Variants in ATXN7L2 observed in about 807,000 individuals in gnomAD.
The protein encoded by ATXN7L2 is ataxin 7 like 2.
Under a neutral mutation model 59.6 loss-of-function variants are expected in ATXN7L2, and 17 were observed. The ratio of observed to expected loss-of-function variants is 0.29; its 90% CI spans 0.20 to 0.43. The LOEUF is 0.43. Among genes scored for constraint, ATXN7L2 ranks in the 20% least tolerant of loss-of-function variants. ATXN7L2 has a pLI of 1.00. For missense variants in ATXN7L2, 858 were observed against 1,008.9 expected (o/e 0.85, Z 2.03); for synonymous variants, 378 against 392.5 (o/e 0.96, Z 0.44).
Position 109,488,577 on chromosome 1 carries a change from C to A in ATXN7L2, c.879+112C>A. On this transcript the variant is annotated intron_variant, in intron 6 of 10. Coordinates refer to ENST00000683729, the MANE Select transcript of ATXN7L2 (RefSeq NM_001350175.2). The surrounding 1 kb of genome is among the most constrained non-coding windows in gnomAD (Gnocchi z 5.0). Reference sequence around the variant, plus strand: ...ACTGAAGGTCCAGCTTAAGGGAGGGCAGTTAGGCCCACCCAAGGGAAGGGG... The same window carrying A: ...ACTGAAGGTCCAGCTTAAGGGAGGGAAGTTAGGCCCACCCAAGGGAAGGGG... 1.6e-6 allele frequency: 2 copies of A among 1,235,716 alleles called. No individual in the cohort carries two copies. The highest frequency in any genetic ancestry group is 2.3e-6 in the Non-Finnish European group (2 of 878,152). The allele number at this position is 1,235,716 out of a possible 1,614,324, so 76.5% of individuals were successfully genotyped here.
chr1:109,487,361 C>T, intron 4 of ATXN7L2, 144 bp downstream of exon 4: 1 of 1,157,234 alleles, frequency 8.6e-7, no homozygotes, highest in Non-Finnish European at 1.2e-6. Flanking sequence ...TCCATATATT[C>T]CAGGGAAGAT....
Position 109,488,558 on chromosome 1 carries a change from G to A in ATXN7L2, c.879+93G>A. 1 of 1,405,298 alleles carries A rather than the reference G, an allele frequency of 7.1e-7. No individual in the cohort carries two copies. The highest frequency in any genetic ancestry group is 1.3e-5 in the South Asian group (1 of 79,454). The allele number at this position is 1,405,298 out of a possible 1,614,324, so 87.1% of individuals were successfully genotyped here. On this transcript the variant is annotated intron_variant, in intron 6 of 10. Coordinates refer to ENST00000683729, the MANE Select transcript of ATXN7L2 (RefSeq NM_001350175.2). The surrounding 1 kb of genome is among the most constrained non-coding windows in gnomAD (Gnocchi z 5.0). Reference sequence around the variant, plus strand: ...AGAGAGGAATGTCGATGTTACTGAAGGTCCAGCTTAAGGGAGGGCAGTTAG... The same window carrying A: ...AGAGAGGAATGTCGATGTTACTGAAAGTCCAGCTTAAGGGAGGGCAGTTAG...
intron 4 of ATXN7L2, 22 bp downstream of exon 4, chr1:109,487,239 T>C (rs1481732289): frequency 1.3e-6 from 2 of 1,494,510 alleles, no homozygotes; most frequent in Admixed American, 2.4e-5. Flanking sequence ...CTGGAAACTT[T>C]CTAAGACTGG....
Position 109,487,649 on chromosome 1 carries a change from A to G in ATXN7L2, c.641A>G (p.Lys214Arg). ...PGGLTKDSPG[K>R]PPMAPPSKEP... ...GGCCTCACCAAGGACTCCCCTGGAA[A>G]ACCTCCCATGGCTCCCCCTTCTAAA... The change falls in exon 5 of 11, where the codon AAA (lysine) becomes AGA (arginine). Residue 214 changes from lysine (K) to arginine (R), a missense_variant. Around this residue, in one of 3 missense-constraint regions of ATXN7L2, gnomAD observed 734 missense variants for 862.3 expected, o/e 0.85. Coordinates refer to ENST00000683729, the MANE Select transcript of ATXN7L2 (RefSeq NM_001350175.2). The G allele has an allele frequency of 6.2e-7, 1 of 1,610,140 alleles. No individual in the cohort carries two copies. The highest frequency in any genetic ancestry group is 8.5e-7 in the Non-Finnish European group (1 of 1,178,242).
chr1:109,490,909 C>A lies in ATXN7L2; in HGVS notation c.1455-13C>A, dbSNP rs376506486. The A allele has an allele frequency of 3.1e-5, 48 of 1,538,900 alleles. No homozygotes were observed. Among genetic ancestry groups the A allele is most frequent in the South Asian group, 5.0e-5 (4 of 80,018 alleles). On this transcript the variant is annotated splice_polypyrimidine_tract_variant and intron_variant, in intron 9 of 10. Transcript: ENST00000683729. ...TTCTTGGCAGTCACAGTGGGGCTTT[C>A]TTTTTGCTGCAGGAAGATCCCACCG...
Position 109,488,383 on chromosome 1 carries a change from G to C in ATXN7L2, c.797G>C (p.Arg266Pro). 1 of 1,597,568 alleles carries C rather than the reference G, an allele frequency of 6.3e-7. No individual in the cohort carries two copies. ...LPPKTHRKMA[R>P]KECDLNRQCG... Reference sequence around the variant, plus strand: ...TTCATTGGAAGTGCTTTCCCCACAGGGAAGGAGTGCGACCTCAACAGGCAG... The same window carrying C: ...TTCATTGGAAGTGCTTTCCCCACAGCGAAGGAGTGCGACCTCAACAGGCAG... Residue 266 changes from arginine (R) to proline (P), a missense_variant and splice_region_variant, in exon 6 of 11, where the codon CGG (arginine) becomes CCG (proline). By Grantham distance (103) the Arg-to-Pro change is moderately radical (BLOSUM62 -2). Around this residue, in one of 3 missense-constraint regions of ATXN7L2, gnomAD observed 734 missense variants for 862.3 expected, o/e 0.85. Transcript: ENST00000683729. The surrounding 1 kb of genome is among the most constrained non-coding windows in gnomAD (Gnocchi z 5.0).
At chr1:109,492,438 G>C (rs1387999023) in intron 10 of ATXN7L2, 148 bp from the exon 11 acceptor site, 1 of 1,068,502 alleles carries the variant, frequency 9.4e-7, no homozygotes, top group Non-Finnish European at 1.3e-6. Flanking sequence ...TGGTGAGCTG[G>C]CATTCATCTT....
At position 109,490,982 on chromosome 1, in the gene ATXN7L2, C is replaced by T; in HGVS notation, c.1515C>T (p.Pro505=). The change falls in exon 10 of 11, where the codon CCC becomes CCT. Residue 505 remains proline (P), a synonymous_variant. Coordinates refer to ENST00000683729, the MANE Select transcript of ATXN7L2 (RefSeq NM_001350175.2). The stretch of plus-strand genomic sequence containing the variant: ...TTGTCAACTCCCCGTTATCTGCTCC[C>T]CTGAGCCCATCCTCTACAGGCACCT... ...AHLVNSPLSA[P]LSPSSTGTCP... The T allele has an allele frequency of 6.2e-7, 1 of 1,611,714 alleles. No individual in the cohort carries two copies. Among genetic ancestry groups the T allele is most frequent in the South Asian group, 1.1e-5 (1 of 90,720 alleles).
Position 109,492,670 on chromosome 1 carries a change from G to C in ATXN7L2, c.*70G>C. On this transcript the variant is annotated 3_prime_UTR_variant, in exon 11 of 11. Coordinates refer to ENST00000683729, the MANE Select transcript of ATXN7L2 (RefSeq NM_001350175.2). ...CCCCTCCAGATCCGGGCCCCAGGCT[G>C]CTGCCGCTTTTTATAACTTTATATT... 6.4e-7 allele frequency: 1 copy of C among 1,561,256 alleles called. No homozygotes were observed. Among genetic ancestry groups the C allele is most frequent in the Non-Finnish European group, 8.7e-7 (1 of 1,146,740 alleles).
At chr1:109,489,555 T>C in intron 7 of ATXN7L2, 1 of 350,382 alleles carries the variant, frequency 2.9e-6, no homozygotes, top group East Asian at 6.1e-5. Flanking sequence ...CAGGCTCAGC[T>C]CACAGACAGG....
rs1036671749 is a variant in ATXN7L2 at position 109,483,981 on chromosome 1, G to A, written c.28G>A (p.Ala10Thr). Residue 10 changes from alanine (A) to threonine (T), a missense_variant, in exon 1 of 11, where the codon GCA becomes ACA. Physicochemically the swap from Ala to Thr is moderately conservative, Grantham distance 58. Transcript: ENST00000683729. MAVRERAAA[A>T]MAALERRVPS... ...GGCGGTGCGTGAACGCGCGGCGGCA[G>A]CAATGGCCGCTCTGGAGCGGCGGGT... 2.2e-6 allele frequency: 3 copies of A among 1,388,310 alleles called. No homozygotes were observed. Among genetic ancestry groups the A allele is most frequent in the African/African-American group, 2.9e-5 (2 of 67,992 alleles). The allele number at this position is 1,388,310 out of a possible 1,614,324, so 86.0% of individuals were successfully genotyped here. A position where few individuals can be genotyped will look rare whatever the true frequency, so the allele number is the denominator to read the frequency against.
intron 1 of ATXN7L2, 99 bp from the exon 2 acceptor site, chr1:109,485,958 C>T: frequency 1.4e-6 from 2 of 1,404,890 alleles, no homozygotes; most frequent in Non-Finnish European, 1.9e-6. Flanking sequence ...AAGGGGACAA[C>T]CTCTGGGTTG....
chr1:109,487,445 C>A, intron 4 of ATXN7L2, 73 bp from the exon 5 acceptor site: 1 of 1,379,352 alleles, frequency 7.2e-7, no homozygotes, highest in Non-Finnish European at 9.5e-7. Context: ...AGAGATGGCT[C>A]TGGGCTAGAG....
rs140809312 is a variant in ATXN7L2 at position 109,489,086 on chromosome 1, C to T, written c.1119C>T (p.Tyr373=). The change falls in exon 7 of 11, where the codon TAC becomes TAT. Residue 373 remains tyrosine (Y), a synonymous_variant. Coordinates refer to ENST00000683729, the MANE Select transcript of ATXN7L2 (RefSeq NM_001350175.2). The part of the protein sequence containing the change: ...FSVRAKQTYP[Y]CALPRSRASS... ...TTCGTGCCAAGCAGACCTACCCATA[C>T]TGTGCACTGCCCAGGTACGTCTAGA... is the stretch of plus-strand genomic sequence containing the variant. 25 of 1,613,898 alleles carry T rather than the reference C, an allele frequency of 1.5e-5. No individual in the cohort carries two copies. The African/African-American group carries it at 2.8e-4, about 18-fold the overall frequency.
At chr1:109,489,684 C>T in intron 7 of ATXN7L2, 1 of 558,924 alleles carries the variant, frequency 1.8e-6, no homozygotes, top group South Asian at 2.2e-5. Flanking sequence ...CAGATTATCC[C>T]CTGAGGAGGA....
intron 7 of ATXN7L2, 58 bp from the exon 8 acceptor site, chr1:109,489,871 GC>G: frequency 6.3e-7 from 1 of 1,586,840 alleles, no homozygotes; most frequent in Non-Finnish European, 8.6e-7. Context: ...GTTCAAGGAT[GC>G]CCCTACTCTG....
rs148403579 is a variant in ATXN7L2, at chr1:109,491,788, T to C, written c.2250+71T>C. 2.1e-4 allele frequency: 307 copies of C among 1,438,134 alleles called. No homozygotes were observed. The highest frequency in any genetic ancestry group is 2.7e-4 in the Non-Finnish European group (293 of 1,082,636). 89.1% of individuals were successfully genotyped at this position (1,438,134 alleles called of 1,614,324 possible). A position where few individuals can be genotyped will look rare whatever the true frequency, so the allele number is the denominator to read the frequency against. ...GGGGTACCTGATACAGAGAAGATGC[T>C]ACATTGGTGTTTGTGCAGGGAAAGG... On this transcript the variant is annotated intron_variant, in intron 10 of 10. Coordinates refer to ENST00000683729, the MANE Select transcript of ATXN7L2 (RefSeq NM_001350175.2). The surrounding 1 kb of genome is among the most constrained non-coding windows in gnomAD (Gnocchi z 4.1).
rs1656641424 is a variant in ATXN7L2, at chr1:109,487,109, C to A, written c.401C>A (p.Pro134Gln). The change falls in exon 4 of 11, where the codon CCA becomes CAA. Residue 134 changes from proline (P) to glutamine (Q), a missense_variant. Physicochemically the swap from Pro to Gln is moderately conservative, Grantham distance 76. Around this residue, in one of 3 missense-constraint regions of ATXN7L2, gnomAD observed 734 missense variants for 862.3 expected, o/e 0.85. Coordinates refer to ENST00000683729, the MANE Select transcript of ATXN7L2 (RefSeq NM_001350175.2). ...TGCCATGTAGTGAATGGGCAGGGCC[C>A]AGCTTGTAGGGCCCCAGGTTCCACG... ...QKCHVVNGQG[P>Q]ACRAPGSTKT... 1 of 1,612,888 alleles carries A rather than the reference C, an allele frequency of 6.2e-7. No homozygotes were observed.
chr1:109,490,864 G>A, intron 9 of ATXN7L2, 58 bp from the exon 10 acceptor site: 1 of 1,510,678 alleles, frequency 6.6e-7, no homozygotes, highest in East Asian at 2.3e-5. Context: ...TGTGTCTTGT[G>A]TTGGGGGAAG....
Sources: gnomAD v4.1 joint callset for allele counts on GRCh38, gnomAD v4.1.1 for gene constraint, gnomAD v4.1.1 regional missense constraint, Gnocchi (gnomAD v3.1) non-coding constraint, MANE v1.5 for transcripts, NCBI Gene and HGNC (gene_info 2026-07-23, HGNC 2026-07-21) for gene names.